The following DNM3 variants were observed in gnomAD, a reference collection of about 807,000 sequenced individuals.
DNM3 encodes dynamin-3.
DNM3 carries 47 observed loss-of-function variants against 101.6 expected under a neutral mutation model. That is an observed-to-expected ratio of 0.46 (90% CI 0.37 to 0.59). The LOEUF is 0.59. DNM3 is among the 20% of genes least tolerant of loss of function. The pLI, the probability that DNM3 is intolerant of heterozygous loss-of-function variation, is 0.00. For synonymous variants in DNM3, 385 were observed against 387.9 expected (o/e 0.99, Z 0.09); for missense variants, 849 against 1,085.7 (o/e 0.78, Z 3.06).
chr1:172,008,749 G>A (rs1396223767), intron 4 of DNM3, among the ~76,000 whole-genome samples: 1 of 143,834 alleles, frequency 7.0e-6, no homozygotes, highest in African/African-American at 2.6e-5. Flanking sequence ...GTTTACGTAT[G>A]TGTATGTTTA....
intron 14 of DNM3, among the ~76,000 whole-genome samples, chr1:172,238,118 G>T (rs745324426): frequency 1.3e-5 from 2 of 152,050 alleles, no homozygotes; most frequent in African/African-American, 2.4e-5. Flanking sequence ...ATTGAATGGT[G>T]GTGTCCAATT....
At chr1:172,375,880 A>T (rs999852309) in intron 17 of DNM3, among the ~76,000 whole-genome samples, 1 of 149,960 alleles carries the variant, frequency 6.7e-6, no homozygotes, top group Non-Finnish European at 1.5e-5. Flanking sequence ...TGGGCGTGGC[A>T]TGTAGTTACA....
At chr1:172,044,738 T>G (rs1469477619) in intron 9 of DNM3, among the ~76,000 whole-genome samples, 1 of 152,166 alleles carries the variant, frequency 6.6e-6, no homozygotes, top group Admixed American at 6.5e-5. Flanking sequence ...AGCCTTCATT[T>G]TTCATGAGGG....
At chr1:171,913,375 T>C (rs1164043234) in intron 1 of DNM3, among the ~76,000 whole-genome samples, 1 of 152,200 alleles carries the variant, frequency 6.6e-6, no homozygotes, top group African/African-American at 2.4e-5. Flanking sequence ...ATAGAGTAGC[T>C]GACAGCATCA....
rs567535658 is a variant in DNM3 at position 172,349,471 on chromosome 1, C to T, written c.1893+26131C>T. Among the ~76,000 whole-genome samples the T allele has an allele frequency of 8.5e-4, 129 of 152,114 alleles. 1 individual carries two copies. Among genetic ancestry groups the T allele is most frequent in the African/African-American group, 3.0e-3 (126 of 41,506 alleles). On this transcript the variant is annotated intron_variant, in intron 17 of 20. Transcript: ENST00000627582. ...TAGTCAGAGGGAATTCATTTTGTCT[C>T]CTAGTTTGCCTAAGAATAAGTGATC...
chr1:171,904,877 C>A (rs1172300075), intron 1 of DNM3, among the ~76,000 whole-genome samples: 1 of 152,112 alleles, frequency 6.6e-6, no homozygotes, highest in Non-Finnish European at 1.5e-5. Flanking sequence ...AAGAAGTTAC[C>A]TTCAACAGAA....
At chr1:171,916,159 GA>G (rs769536122) in intron 1 of DNM3, among the ~76,000 whole-genome samples, 2 of 152,160 alleles carry the variant, frequency 1.3e-5, no homozygotes, top group Admixed American at 6.5e-5. Flanking sequence ...AAATGGTCAA[GA>G]GCACAGATGC....
Position 172,411,270 on chromosome 1 carries a change from A to C in DNM3, c.*3429A>C. 1.0e-6 allele frequency: 1 copy of C among 985,090 alleles called. No individual in the cohort carries two copies. The highest frequency in any genetic ancestry group is 1.7e-5 in the African/African-American group (1 of 57,286). The allele number at this position is 985,090 out of a possible 1,614,324, so 61.0% of individuals were successfully genotyped here. On this transcript the variant is annotated 3_prime_UTR_variant, in exon 21 of 21. Coordinates refer to ENST00000627582, the MANE Select transcript of DNM3 (RefSeq NM_015569.5). ...TATATGAGGTATACAAAATTTTCTA[A>C]CTCCAGATTGTAGTCATTTTGAGAG...
intron 12 of DNM3, 82 bp downstream of exon 12, chr1:172,081,984 C>T: frequency 7.2e-7 from 1 of 1,390,902 alleles, no homozygotes; most frequent in South Asian, 1.2e-5. Context: ...ACTACAGTTT[C>T]ACCACCTTTG....
chr1:172,088,643 C>T (rs75177521), intron 12 of DNM3, among the ~76,000 whole-genome samples: 5,606 of 152,178 alleles, frequency 0.037, 249 homozygotes, highest in East Asian at 0.14. Context: ...CATCTTTCTA[C>T]TTCCTGGCTT....
At position 172,418,276 on chromosome 1, in the gene DNM3, ACTAGG is replaced by A; in HGVS notation, c.2541-3_2542del. On this transcript the variant is annotated splice_acceptor_variant and splice_polypyrimidine_tract_variant and coding_sequence_variant and intron_variant, in exon 21 of 21. Transcript: ENST00000485254. LOFTEE classifies it high-confidence loss of function. ...TTTTGTTTTGTTTTGTTTTGTTTTT[ACTAGG>A]CGACCCCCTCCTGCAGTTCCAGGAC... The A allele has an allele frequency of 7.8e-7, 1 of 1,288,288 alleles. No homozygotes were observed. Among genetic ancestry groups the A allele is most frequent in the South Asian group, 1.2e-5 (1 of 80,810 alleles). 79.8% of individuals were successfully genotyped at this position (1,288,288 alleles called of 1,614,324 possible).
intron 11 of DNM3, among the ~76,000 whole-genome samples, chr1:172,074,177 T>G (rs1349761104): frequency 6.6e-6 from 1 of 152,124 alleles, no homozygotes; most frequent in Admixed American, 6.6e-5. Context: ...CTTGCCATGT[T>G]AGCTAGTGTT....
chr1:172,057,113 A>T (rs1384554988), intron 10 of DNM3, among the ~76,000 whole-genome samples: 3 of 152,172 alleles, frequency 2.0e-5, no homozygotes, highest in African/African-American at 4.8e-5. Context: ...GATGAAGTGA[A>T]TGAAATGAAG....
intron 1 of DNM3, among the ~76,000 whole-genome samples, chr1:171,842,444 C>A (rs773303724): frequency 6.6e-6 from 1 of 152,228 alleles, no homozygotes; most frequent in African/African-American, 2.4e-5. Flanking sequence ...CGCTTCCCCA[C>A]CATTCTCCTC....
chr1:172,131,421 TA>T (rs34698747), intron 14 of DNM3, 133 bp downstream of exon 14: 1 of 699,148 alleles, frequency 1.4e-6, no homozygotes, highest in Non-Finnish European at 2.3e-6. Flanking sequence ...AATGTTTGTT[TA>T]AAAAGGCACT....
chr1:171,965,550 CAAAAAAAAAAA>C (rs761095968), intron 2 of DNM3, among the ~76,000 whole-genome samples: 18 of 115,064 alleles, frequency 1.6e-4, no homozygotes, highest in African/African-American at 5.1e-4. Flanking sequence ...GACCCTGTCT[CAAAAAAAAAAA>C]AAAGGGTTGT....
At chr1:172,400,545 G>T (rs2070399012) in intron 20 of DNM3, among the ~76,000 whole-genome samples, 1 of 152,042 alleles carries the variant, frequency 6.6e-6, no homozygotes, top group Admixed American at 6.6e-5. Context: ...TCCTTTCTCT[G>T]CATGCTTTCT....
chr1:171,902,588 AT>A (rs1004163690), intron 1 of DNM3, among the ~76,000 whole-genome samples: 3 of 151,286 alleles, frequency 2.0e-5, no homozygotes, highest in African/African-American at 7.3e-5. Context: ...AGGAGGGAGT[AT>A]TTTTTTTAAT....
In DNM3 at chr1:172,190,099, G is replaced by A. The variant is rs115129162; in HGVS notation, c.1659+58811G>A. 7.2e-3 allele frequency among the ~76,000 whole-genome samples: 1,073 copies of A among 149,646 alleles called. 16 individuals are homozygous for A. The highest frequency in any genetic ancestry group is 0.025 in the African/African-American group (1,023 of 40,548). On this transcript the variant is annotated intron_variant, in intron 14 of 20. Coordinates refer to ENST00000627582, the MANE Select transcript of DNM3 (RefSeq NM_015569.5). Reference sequence around the variant, plus strand: ...ATATGTATACATGTCCCATGTTGGTGTGCTGTACCCATTGACTCATCATTT... The same window carrying A: ...ATATGTATACATGTCCCATGTTGGTATGCTGTACCCATTGACTCATCATTT...
Sources: allele counts gnomAD v4.1 joint callset (sites outside exome capture counted in the v4.1 genomes callset), GRCh38; gene constraint gnomAD v4.1.1; transcripts MANE v1.5; gene names NCBI Gene and HGNC (gene_info 2026-07-23, HGNC 2026-07-21).